Variants in GNAL observed in about 807,000 individuals in gnomAD.
GNAL encodes guanine nucleotide-binding protein G(olf) subunit alpha.
A neutral mutation model predicts 55.1 loss-of-function variants in GNAL; 18 were observed. That is an observed-to-expected ratio of 0.33 (90% CI 0.23 to 0.48). GNAL has a LOEUF of 0.48. Ranked by LOEUF, GNAL falls within the 20% of genes least tolerant of loss-of-function variation. The pLI, the probability that GNAL is intolerant of heterozygous loss-of-function variation, is 0.99. For missense variants in GNAL, 412 were observed against 614.1 expected, an observed-to-expected ratio of 0.67 and a Z score of 3.48; for synonymous variants, 253 against 237.0, an observed-to-expected ratio of 1.07 and a Z score of -0.62.
At chr18:11,854,725 GAGCCAAGATTGCGCCATTGCACTCT>G (rs1260660411) in intron 5 of GNAL, among the ~76,000 whole-genome samples, 8 of 151,958 alleles carry the variant, frequency 5.3e-5, no homozygotes, top group African/African-American at 1.9e-4. Context: ...AGGTTGAGGT[GAGCCAAGATTGCGCCATTGCACTCT>G]AGCCTGCGCA....
intron 1 of GNAL, among the ~76,000 whole-genome samples, chr18:11,734,102 G>C (rs2032405359): frequency 6.6e-6 from 1 of 151,740 alleles, no homozygotes; most frequent in Admixed American, 6.6e-5. Flanking sequence ...GTTTCTCGAT[G>C]GAACTGGGGG....
intron 1 of GNAL, among the ~76,000 whole-genome samples, chr18:11,737,306 C>T (rs1442368561): frequency 6.6e-6 from 1 of 152,178 alleles, no homozygotes; most frequent in African/African-American, 2.4e-5. Flanking sequence ...AAATAGCTTG[C>T]TTCATTACAA....
At chr18:11,846,482 C>CACACAT (rs2035743200) in intron 5 of GNAL, among the ~76,000 whole-genome samples, 2 of 149,278 alleles carry the variant, frequency 1.3e-5, no homozygotes, top group African/African-American at 2.5e-5. Context: ...CACACACACA[C>CACACAT]ACACACACAC....
At chr18:11,723,316 C>T (rs1189227649) in intron 1 of GNAL, among the ~76,000 whole-genome samples, 1 of 152,232 alleles carries the variant, frequency 6.6e-6, no homozygotes, top group East Asian at 1.9e-4. Context: ...GTATAGTTCT[C>T]ACATGTCATG....
At chr18:11,867,275 C>G in intron 8 of GNAL, 49 bp downstream of exon 8, 1 of 1,084,032 alleles carries the variant, frequency 9.2e-7, no homozygotes, top group Non-Finnish European at 1.4e-6. Flanking sequence ...TTCTAACACT[C>G]AGCACTGCTG....
At chr18:11,741,414 A>G (rs1208479816) in intron 1 of GNAL, among the ~76,000 whole-genome samples, 1 of 151,994 alleles carries the variant, frequency 6.6e-6, no homozygotes, top group Non-Finnish European at 1.5e-5. Flanking sequence ...AAATTTCTCT[A>G]AAAAAAATGA....
Position 11,752,358 on chromosome 18 carries a change from G to C in GNAL, c.377-495G>C. 6.6e-7 allele frequency: 1 copy of C among 1,513,650 alleles called. No homozygotes were observed. The highest frequency in any genetic ancestry group is 8.8e-7 in the Non-Finnish European group (1 of 1,135,154). 93.8% of individuals were successfully genotyped at this position (1,513,650 alleles called of 1,614,324 possible). A position where few individuals can be genotyped will look rare whatever the true frequency, so the allele number is the denominator to read the frequency against. Reference sequence around the variant, plus strand: ...AGGAAAGAGAGGAGCCGTCGCAGGAGCCGCACACGTCTCCAACTCTCTATT... The same window carrying C: ...AGGAAAGAGAGGAGCCGTCGCAGGACCCGCACACGTCTCCAACTCTCTATT... On this transcript the variant is annotated intron_variant, in intron 1 of 11. Coordinates refer to ENST00000334049, the MANE Select transcript of GNAL (RefSeq NM_182978.4). The surrounding 1 kb of genome is among the most constrained non-coding windows in gnomAD (Gnocchi z 4.5).
rs550526046 is a variant in GNAL at position 11,717,427 on chromosome 18, G to A, written c.376+27488G>A. Among the ~76,000 whole-genome samples the A allele has an allele frequency of 2.3e-3, 346 of 152,344 alleles. 1 individual carries two copies. Among genetic ancestry groups the A allele is most frequent in the African/African-American group, 8.0e-3 (333 of 41,582 alleles). On this transcript the variant is annotated intron_variant, in intron 1 of 11. Transcript: ENST00000334049. ...CCCAGGCAGAGGAGGCCCCGAGAGC[G>A]AGTGAGGGCTGTGAGGGCTGCCAGC...
chr18:11,724,834 G>A (rs1457833628), intron 1 of GNAL, among the ~76,000 whole-genome samples: 1 of 152,224 alleles, frequency 6.6e-6, no homozygotes, highest in Non-Finnish European at 1.5e-5. Flanking sequence ...CAGGCCAAGG[G>A]TTGTTTCTTA....
chr18:11,799,942 C>T (rs1388623114), intron 4 of GNAL, among the ~76,000 whole-genome samples: 2 of 152,068 alleles, frequency 1.3e-5, no homozygotes, highest in East Asian at 3.9e-4. Flanking sequence ...TCCCCCTGTA[C>T]GTGTCCCTTT....
chr18:11,807,959 G>C (rs994745515), intron 4 of GNAL, among the ~76,000 whole-genome samples: 2 of 152,018 alleles, frequency 1.3e-5, no homozygotes, highest in African/African-American at 4.8e-5. Context: ...CCTGAAAGCA[G>C]CCTGAATGTC....
rs144614851 is a variant in GNAL at position 11,881,132 on chromosome 18, G to C, written c.1374G>C (p.Leu458Phe). 6.2e-7 allele frequency: 1 copy of C among 1,606,264 alleles called. No homozygotes were observed. The highest frequency in any genetic ancestry group is 8.5e-7 in the Non-Finnish European group (1 of 1,175,394). Residue 458 changes from leucine (L) to phenylalanine (F), a missense_variant, in exon 12 of 12, where the codon TTG (leucine) becomes TTC (phenylalanine). Physicochemically the swap from Leu to Phe is conservative, Grantham distance 22. Coordinates refer to ENST00000334049, the MANE Select transcript of GNAL (RefSeq NM_182978.4). The surrounding 1 kb of genome is among the most constrained non-coding windows in gnomAD (Gnocchi z 4.8). ...TGCACCTCAAGCAGTATGAGCTCTTGTGAGGATGCTGCCGCCACCCTGCGA... is the reference window on the plus strand; with the variant it reads ...TGCACCTCAAGCAGTATGAGCTCTTCTGAGGATGCTGCCGCCACCCTGCGA... Reference protein sequence around the residue: ...QRMHLKQYELL With the variant: ...QRMHLKQYELF
rs539911810 is a variant in GNAL at position 11,718,715 on chromosome 18, G to A, written c.376+28776G>A. 1.6e-4 allele frequency among the ~76,000 whole-genome samples: 24 copies of A among 152,294 alleles called. No homozygotes were observed. In the South Asian group the frequency reaches 5.0e-3, roughly 32 times the overall value. ...ATATTTGTTCTCAGTGTTTCTCTGA[G>A]CAGCATTAACAATTGCCCTAATAAA... On this transcript the variant is annotated intron_variant, in intron 1 of 11. Transcript: ENST00000334049.
At chr18:11,874,630 C>T (rs1292464860) in intron 10 of GNAL, among the ~76,000 whole-genome samples, 3 of 112,902 alleles carry the variant, frequency 2.7e-5, no homozygotes, top group Admixed American at 9.2e-5. Context: ...GCCTGGGTGA[C>T]GGAGTGAGAC....
At chr18:11,875,267 A>AACAGCTCTGCAGGGAGG (rs2036504060) in intron 10 of GNAL, among the ~76,000 whole-genome samples, 2 of 152,184 alleles carry the variant, frequency 1.3e-5, no homozygotes, top group South Asian at 4.1e-4. Context: ...TTCCTCTCCC[A>AACAGCTCTGCAGGGAGG]ACAGCTCTGC....
rs765254608 is a variant in GNAL at position 11,752,968 on chromosome 18, T to A, written c.449+43T>A. ...GCTTCCAAACTGCATGCAAACTTCG[T>A]CTCTCTCCCAGACGTCCCAAAAGTG... On this transcript the variant is annotated intron_variant, in intron 2 of 11. Coordinates refer to ENST00000334049, the MANE Select transcript of GNAL (RefSeq NM_182978.4). The surrounding 1 kb of genome is among the most constrained non-coding windows in gnomAD (Gnocchi z 4.5). The A allele has an allele frequency of 3.3e-6, 4 of 1,200,446 alleles. No homozygotes were observed. Among genetic ancestry groups the A allele is most frequent in the South Asian group, 2.5e-5 (2 of 80,986 alleles). 74.4% of individuals were successfully genotyped at this position (1,200,446 alleles called of 1,614,324 possible). A position where few individuals can be genotyped will look rare whatever the true frequency, so the allele number is the denominator to read the frequency against.
intron 5 of GNAL, among the ~76,000 whole-genome samples, chr18:11,858,818 C>T (rs1316600218): frequency 6.6e-6 from 1 of 152,152 alleles, no homozygotes; most frequent in Non-Finnish European, 1.5e-5. Context: ...CCACGTCTCA[C>T]TTAGATCTCT....
chr18:11,851,486 C>T (rs1253716499), intron 5 of GNAL: 24 of 1,512,482 alleles, frequency 1.6e-5, no homozygotes, highest in Non-Finnish European at 1.9e-5. Context: ...TCAGCCGGGC[C>T]GCCGACCCAA....
At chr18:11,762,651 C>G (rs375759913) in intron 4 of GNAL, among the ~76,000 whole-genome samples, 1 of 152,148 alleles carries the variant, frequency 6.6e-6, no homozygotes, top group Non-Finnish European at 1.5e-5. Flanking sequence ...CAGGCCACGG[C>G]GGGTTAGGGA....
Sources: gnomAD v4.1 joint callset for allele counts (sites outside exome capture counted in the v4.1 genomes callset) on GRCh38, gnomAD v4.1.1 for gene constraint, Gnocchi (gnomAD v3.1) non-coding constraint, MANE v1.5 for transcripts, NCBI Gene and HGNC (gene_info 2026-07-23, HGNC 2026-07-21) for gene names.